The following IFT122 variants were observed in gnomAD, a reference collection of about 807,000 sequenced individuals.
The protein encoded by IFT122 is intraflagellar transport protein 122 homolog.
A neutral mutation model predicts 161.6 loss-of-function variants in IFT122; 118 were observed. The ratio of observed to expected loss-of-function variants is 0.73; its 90% CI spans 0.63 to 0.85. The LOEUF is 0.85. Ranked by LOEUF, IFT122 falls within the 40% of genes least tolerant of loss-of-function variation. IFT122 has a pLI of 0.00. For missense variants in IFT122, 1,381 were observed against 1,579.6 expected (o/e 0.87, Z 2.13); for synonymous variants, 550 against 602.4 (o/e 0.91, Z 1.27).
chr3:129,463,143 G>A (rs1471076168), intron 5 of IFT122: 4 of 164,350 alleles, frequency 2.4e-5, no homozygotes, highest in Admixed American at 2.4e-4. Flanking sequence ...TCCCCCAGTG[G>A]ATCCATCTTA....
In IFT122 at chr3:129,517,545, G is replaced by A. The variant is rs1481632337; in HGVS notation, c.3342G>A (p.Glu1114=). 1 of 1,614,062 alleles carries A rather than the reference G, an allele frequency of 6.2e-7. No individual in the cohort carries two copies. ...DEEAISLIDL[E]VLRPKRDDRQ... ...AAGCCATCTCCCTCATCGACCTGGAGGTGCTGAGACCCAAGCGGGATGACA... is the reference window on the plus strand; with the variant it reads ...AAGCCATCTCCCTCATCGACCTGGAAGTGCTGAGACCCAAGCGGGATGACA... Residue 1114 remains glutamate (E), a synonymous_variant, in exon 27 of 30, where the codon GAG becomes GAA. Coordinates refer to ENST00000348417, the MANE Select transcript of IFT122 (RefSeq NM_052989.3).
chr3:129,475,569 G>A (rs569354859), intron 9 of IFT122, among the ~76,000 whole-genome samples: 4 of 152,148 alleles, frequency 2.6e-5, no homozygotes, highest in Non-Finnish European at 4.4e-5. Flanking sequence ...GGAGGATCAC[G>A]TGAAGCTGGG....
intron 11 of IFT122, among the ~76,000 whole-genome samples, chr3:129,477,499 C>G (rs191676596): frequency 6.6e-6 from 1 of 152,298 alleles, no homozygotes; most frequent in African/African-American, 2.4e-5. Flanking sequence ...CCCTGGGGGA[C>G]CCTATCTTTT....
At position 129,476,003 on chromosome 3, in the gene IFT122, A is replaced by G. The variant is rs2077891877; in HGVS notation, c.817-312A>G. Reference sequence around the variant, plus strand: ...CAGAGGGAGGGGGGCCTTTGGGAACAAAACCACCCACAGTCTCCATCTTGG... The same window carrying G: ...CAGAGGGAGGGGGGCCTTTGGGAACGAAACCACCCACAGTCTCCATCTTGG... On this transcript the variant is annotated intron_variant, in intron 9 of 29. Coordinates refer to ENST00000348417, the MANE Select transcript of IFT122 (RefSeq NM_052989.3). The G allele has an allele frequency of 1.4e-5, 6 of 432,792 alleles. No homozygotes were observed. In the Admixed American group the frequency reaches 2.2e-4, roughly 16 times the overall value. 26.8% of individuals were successfully genotyped at this position (432,792 alleles called of 1,614,324 possible).
rs2076852822 is a variant in IFT122, at chr3:129,466,835, A to G, written c.564-55A>G. 17 of 1,540,624 alleles carry G rather than the reference A, an allele frequency of 1.1e-5. No individual in the cohort carries two copies. The South Asian group carries it at 1.9e-4, about 17-fold the overall frequency. On this transcript the variant is annotated intron_variant, in intron 7 of 29. Transcript: ENST00000348417. The stretch of plus-strand genomic sequence containing the variant: ...GCTCCTTGCCAGGATTTTAAATTAT[A>G]GTTTTAGTGTAGTTCTAGGCAATGT...
At position 129,459,634 on chromosome 3, in the gene IFT122, TTCCC is replaced by T. The variant is rs1434300255; in HGVS notation, c.272+971_272+974del. 1.9e-4 allele frequency among the ~76,000 whole-genome samples: 20 copies of T among 104,802 alleles called. No individual in the cohort carries two copies. The South Asian group carries it at 3.6e-3, about 19-fold the overall frequency. 68.8% of individuals were successfully genotyped at this position (104,802 alleles called of 152,430 possible). A position where few individuals can be genotyped will look rare whatever the true frequency, so the allele number is the denominator to read the frequency against. On this transcript the variant is annotated intron_variant, in intron 4 of 29. Transcript: ENST00000348417. Reference sequence around the variant, plus strand: ...TTTCCTTCCTTCCTTCCTTCCTTCCTTCCCTCCCTCCCTCCCTTCTTCCTTCCTT... The same window carrying T: ...TTTCCTTCCTTCCTTCCTTCCTTCCTTCCCTCCCTCCCTTCTTCCTTCCTT...
In IFT122 at chr3:129,514,425, C is replaced by A. The variant is rs1578154488; in HGVS notation, c.3024C>A (p.Ala1008=). Reference sequence around the variant, plus strand: ...TCACCTTGGCCAAGCAGAGCAAGGCCCTCGGTGCCTACAGGCTGGCCCGGC... The same window carrying A: ...TCACCTTGGCCAAGCAGAGCAAGGCACTCGGTGCCTACAGGCTGGCCCGGC... ...ILFTLAKQSK[A]LGAYRLARHA... is the part of the protein sequence containing the mutation. The change falls in exon 25 of 30, where the codon GCC becomes GCA. Residue 1008 remains alanine (A), a synonymous_variant. Transcript: ENST00000348417. 6 of 1,614,202 alleles carry A rather than the reference C, an allele frequency of 3.7e-6. No individual in the cohort carries two copies. Among genetic ancestry groups the A allele is most frequent in the Non-Finnish European group, 5.1e-6 (6 of 1,180,032 alleles).
Position 129,495,543 on chromosome 3 carries a change from G to C in IFT122, c.2144G>C (p.Arg715Thr). The C allele has an allele frequency of 6.2e-7, 1 of 1,614,210 alleles. No individual in the cohort carries two copies. Among genetic ancestry groups the C allele is most frequent in the Non-Finnish European group, 8.5e-7 (1 of 1,180,054 alleles). The change falls in exon 18 of 30, where the codon AGG becomes ACG. Residue 715 changes from arginine (R) to threonine (T), a missense_variant. This residue lies in a region of IFT122 where 496 missense variants were observed against 502.5 expected (regional missense o/e 0.99). Coordinates refer to ENST00000348417, the MANE Select transcript of IFT122 (RefSeq NM_052989.3). ...KFHEAAKLYK[R>T]SGHENLALEM... Reference sequence around the variant, plus strand: ...CATGAGGCCGCCAAACTGTACAAGAGGAGTGGGCACGAGAACCTCGCGCTT... The same window carrying C: ...CATGAGGCCGCCAAACTGTACAAGACGAGTGGGCACGAGAACCTCGCGCTT...
intron 18 of IFT122, among the ~76,000 whole-genome samples, chr3:129,498,422 G>A (rs35688095): frequency 1.3e-5 from 2 of 152,228 alleles, no homozygotes; most frequent in South Asian, 2.1e-4. Flanking sequence ...GCAGCTGCCA[G>A]AAGGAAAGGT....
intron 23 of IFT122, among the ~76,000 whole-genome samples, chr3:129,510,025 C>T (rs1278380912): frequency 1.3e-5 from 2 of 152,202 alleles, no homozygotes; most frequent in Non-Finnish European, 2.9e-5. Context: ...CAAGGCTTCA[C>T]GCCAGCTTTC....
At chr3:129,458,756 A>C in intron 4 of IFT122, 79 bp downstream of exon 4, 2 of 1,140,612 alleles carry the variant, frequency 1.8e-6, no homozygotes. Flanking sequence ...GAAAAGATGT[A>C]GGAGAAAACT....
chr3:129,451,927 C>A lies in IFT122; in HGVS notation c.122C>A (p.Ser41Tyr). The change falls in exon 3 of 30, where the codon TCT becomes TAT. Residue 41 changes from serine to tyrosine, a missense_variant. By Grantham distance (144) the Ser-to-Tyr change is moderately radical. This residue lies in a region of IFT122 where 134 missense variants were observed against 137.4 expected (regional missense o/e 0.98). Transcript: ENST00000348417. ...CTCTTTTGCCAGGTTTATGACACCT[C>A]TGATGGCACCTTACTTCAGCCCCTC... ...AGSRLLVYDTSDGTLLQPLKG... is the reference protein window; with the variant it reads ...AGSRLLVYDTYDGTLLQPLKG... 1 of 1,613,842 alleles carries A rather than the reference C, an allele frequency of 6.2e-7. No homozygotes were observed. The highest frequency in any genetic ancestry group is 1.1e-5 in the South Asian group (1 of 91,082).
In IFT122 at chr3:129,461,246, A is replaced by G. The variant is rs569507011; in HGVS notation, c.291A>G (p.Gln97=). 1.1e-5 allele frequency: 18 copies of G among 1,613,198 alleles called. No homozygotes were observed. The highest frequency in any genetic ancestry group is 4.5e-5 in the East Asian group (2 of 44,884). The part of the protein sequence containing the change: ...ILKYTHNDAI[Q]CVSYNPITHQ... ...TTCCCAGGCACAATGATGCTATACA[A>G]TGTGTCTCCTACAATCCTATTACTC... The change falls in exon 5 of 30, where the codon CAA becomes CAG. Residue 97 remains glutamine, a synonymous_variant. Transcript: ENST00000348417.
intron 20 of IFT122, 150 bp downstream of exon 20, chr3:129,503,032 C>T (rs918074938): frequency 1.3e-5 from 9 of 691,070 alleles, no homozygotes; most frequent in African/African-American, 5.4e-5. Flanking sequence ...AACTTAACCT[C>T]GAATTCTCTG....
At position 129,495,513 on chromosome 3, in the gene IFT122, A is replaced by G. The variant is rs966504756; in HGVS notation, c.2114A>G (p.Lys705Arg). 2 of 1,614,094 alleles carry G rather than the reference A, an allele frequency of 1.2e-6. No individual in the cohort carries two copies. Among genetic ancestry groups the G allele is most frequent in the East Asian group, 2.2e-5 (1 of 44,892 alleles). Reference protein sequence around the residue: ...FLADVFSYQGKFHEAAKLYKR... With the variant: ...FLADVFSYQGRFHEAAKLYKR... ...GCAGATGTGTTTTCCTACCAGGGGA[A>G]GTTCCATGAGGCCGCCAAACTGTAC... The change falls in exon 18 of 30, where the codon AAG becomes AGG. Residue 705 changes from lysine to arginine, a missense_variant. Lys to Arg is a conservative substitution (Grantham distance 26). This residue lies in a region of IFT122 where 496 missense variants were observed against 502.5 expected (regional missense o/e 0.99). Transcript: ENST00000348417.
At chr3:129,440,922 G>C (rs539105138) in intron 1 of IFT122, among the ~76,000 whole-genome samples, 1 of 152,318 alleles carries the variant, frequency 6.6e-6, no homozygotes, top group African/African-American at 2.4e-5. Context: ...GCTGTAGCTA[G>C]CTATTGTTGC....
chr3:129,514,459 G>A lies in IFT122; in HGVS notation c.3058G>A (p.Asp1020Asn). 1.9e-6 allele frequency: 3 copies of A among 1,614,218 alleles called. No homozygotes were observed. Among genetic ancestry groups the A allele is most frequent in the Non-Finnish European group, 2.5e-6 (3 of 1,180,036 alleles). The change falls in exon 25 of 30, where the codon GAC becomes AAC. Residue 1020 changes from aspartate (D) to asparagine (N), a missense_variant. By Grantham distance (23) the Asp-to-Asn change is conservative. Coordinates refer to ENST00000348417, the MANE Select transcript of IFT122 (RefSeq NM_052989.3). The stretch of plus-strand genomic sequence containing the variant: ...CTACAGGCTGGCCCGGCACGCCTAT[G>A]ACAAGCTGCGTGGCCTGTACATCCC... ...GAYRLARHAY[D>N]KLRGLYIPAR... is the part of the protein sequence containing the mutation.
chr3:129,453,111 A>G (rs1043611202), intron 3 of IFT122, among the ~76,000 whole-genome samples: 1 of 152,140 alleles, frequency 6.6e-6, no homozygotes, highest in Non-Finnish European at 1.5e-5. Flanking sequence ...AGAAAAGTTG[A>G]TGATGTCGGA....
intron 5 of IFT122, 127 bp downstream of exon 5, chr3:129,461,431 C>A: frequency 1.3e-6 from 1 of 752,800 alleles, no homozygotes; most frequent in Non-Finnish European, 2.4e-6. Context: ...CCTTCAATGG[C>A]TGAGGGGAGG....
Sources: allele counts gnomAD v4.1 joint callset (sites outside exome capture counted in the v4.1 genomes callset), GRCh38; gene constraint gnomAD v4.1.1; regional missense constraint gnomAD v4.1.1; transcripts MANE v1.5; gene names NCBI Gene and HGNC (gene_info 2026-07-23, HGNC 2026-07-21).